SCN1A: variants seen among roughly 807,000 people sequenced by gnomAD.
SCN1A encodes the protein sodium channel protein type 1 subunit alpha.
SCN1A carries 13 observed loss-of-function variants against 193.7 expected under a neutral mutation model. The observed-to-expected ratio is 0.07, with a 90% CI of 0.04 to 0.11. The LOEUF is 0.11. Among genes scored for constraint, SCN1A ranks in the 10% least tolerant of loss-of-function variants. The pLI is 1.00. For missense variants in SCN1A, 1,432 were observed against 2,451.1 expected, an observed-to-expected ratio of 0.58 and a Z score of 8.78; for synonymous variants, 781 against 843.6, an observed-to-expected ratio of 0.93 and a Z score of 1.29.
At chr2:166,084,295 G>T (rs2106037253) in intron 2 of SCN1A, among the ~76,000 whole-genome samples, 1 of 139,678 alleles carries the variant, frequency 7.2e-6, no homozygotes, top group Non-Finnish European at 1.5e-5. Context: ...ACTCTGGACT[G>T]TGCCTCTCCT....
rs148002158 is a variant in SCN1A, at chr2:166,118,553, G to A, written c.-142+8371C>T. Among the ~76,000 whole-genome samples the A allele has an allele frequency of 5.7e-3, 863 of 151,580 alleles. 2 individuals carry two copies. Among genetic ancestry groups the A allele is most frequent in the Non-Finnish European group, 9.2e-3 (624 of 67,876 alleles). On this transcript the variant is annotated intron_variant, in intron 2 of 28. Coordinates refer to ENST00000674923, the MANE Select transcript of SCN1A (RefSeq NM_001165963.4). ...GAGGCCCAGGTGGCACTGAAATGAT[G>A]GTATTCTAGACCTGACACCGGACTG...
chr2:166,051,074 C>T (rs564080485), intron 9 of SCN1A, among the ~76,000 whole-genome samples: 3 of 151,898 alleles, frequency 2.0e-5, no homozygotes, highest in Non-Finnish European at 4.4e-5. Flanking sequence ...TATTTTATCT[C>T]CTTTCATTAT....
Position 166,127,798 on chromosome 2 carries a change from C to A in SCN1A, c.-256G>T, listed in dbSNP as rs1011117121. On this transcript the variant is annotated 5_prime_UTR_variant, in exon 1 of 29. Transcript: ENST00000674923. ...GATTAAAAGGAAAATTATCCATCTGCAGTGAGGAACAGCATCACCCAAAGA... is the reference window on the plus strand; with the variant it reads ...GATTAAAAGGAAAATTATCCATCTGAAGTGAGGAACAGCATCACCCAAAGA... 1 of 152,142 alleles carries A rather than the reference C, an allele frequency of 6.6e-6. No individual in the cohort carries two copies. Among genetic ancestry groups the A allele is most frequent in the East Asian group, 1.9e-4 (1 of 5,198 alleles). 9.4% of individuals were successfully genotyped at this position (152,142 alleles called of 1,614,324 possible).
chr2:166,111,453 A>T (rs1689287460), intron 2 of SCN1A, among the ~76,000 whole-genome samples: 1 of 151,966 alleles, frequency 6.6e-6, no homozygotes, highest in Non-Finnish European at 1.5e-5. Flanking sequence ...AAAAAAAAAG[A>T]TTCCATTCAA....
intron 4 of SCN1A, among the ~76,000 whole-genome samples, chr2:166,065,518 C>G (rs13397210): frequency 6.6e-6 from 1 of 151,966 alleles, no homozygotes; most frequent in African/African-American, 2.4e-5. Flanking sequence ...CCAAGCTTTT[C>G]TTCCTTTTCT....
At chr2:166,030,268 T>C (rs1275987278) in intron 19 of SCN1A, among the ~76,000 whole-genome samples, 2 of 152,172 alleles carry the variant, frequency 1.3e-5, no homozygotes, top group Admixed American at 1.3e-4. Flanking sequence ...CAAAATATGT[T>C]TATTTTTCTC....
chr2:166,088,891 A>G (rs1483485827), intron 2 of SCN1A, among the ~76,000 whole-genome samples: 2 of 152,172 alleles, frequency 1.3e-5, no homozygotes, highest in East Asian at 3.8e-4. Flanking sequence ...TATGACATGG[A>G]GGATATGAGT....
chr2:166,009,927 G>T, intron 22 of SCN1A, 86 bp from the exon 23 acceptor site: 1 of 1,303,812 alleles, frequency 7.7e-7, no homozygotes, highest in Non-Finnish European at 1.1e-6. Context: ...TATAATTTTT[G>T]CTTATAATTA....
chr2:166,088,049 T>A (rs1686334160), intron 2 of SCN1A, among the ~76,000 whole-genome samples: 1 of 131,688 alleles, frequency 7.6e-6, no homozygotes, highest in South Asian at 2.4e-4. Flanking sequence ...TCCCACAATC[T>A]GTGTGTTTGT....
intron 1 of SCN1A, among the ~76,000 whole-genome samples, chr2:166,140,523 C>T (rs1456377983): frequency 1.3e-5 from 2 of 152,072 alleles, no homozygotes; most frequent in Admixed American, 6.6e-5. Flanking sequence ...TTCAATCTTC[C>T]ATAGCAAGTG....
At chr2:166,079,888 A>AT (rs1374528221) in intron 2 of SCN1A, among the ~76,000 whole-genome samples, 3 of 151,518 alleles carry the variant, frequency 2.0e-5, no homozygotes, top group Admixed American at 6.6e-5. Flanking sequence ...TAGAAAAAGT[A>AT]TTTTTTTAAC....
At chr2:166,071,607 C>T (rs911507565) in intron 4 of SCN1A, 5 of 150,112 alleles carry the variant, frequency 3.3e-5, no homozygotes, top group African/African-American at 1.2e-4. Context: ...AAGGAAAATA[C>T]TGGCCGGGCG....
At position 166,035,854 on chromosome 2, in the gene SCN1A, C is replaced by T. The variant is rs184568454; in HGVS notation, c.3429+194G>A. On this transcript the variant is annotated intron_variant, in intron 19 of 28. Transcript: ENST00000674923. ...TGAGAGTATATTGTACCACAAATTGCTAGCCTGGGAAAAGATCAAAATTCA... is the reference window on the plus strand; with the variant it reads ...TGAGAGTATATTGTACCACAAATTGTTAGCCTGGGAAAAGATCAAAATTCA... Among the ~76,000 whole-genome samples, 157 of 152,072 alleles carry T rather than the reference C, an allele frequency of 1.0e-3. 3 individuals are homozygous for T. In the East Asian group the frequency reaches 0.011, roughly 11 times the overall value.
chr2:165,997,229 T>A (rs915762914), intron 26 of SCN1A, among the ~76,000 whole-genome samples: 1 of 151,262 alleles, frequency 6.6e-6, no homozygotes, highest in Non-Finnish European at 1.5e-5. Context: ...CAATCTAAAT[T>A]ATCAACCTAC....
At chr2:166,013,691 A>G in intron 21 of SCN1A, 53 bp downstream of exon 21, 3 of 1,518,462 alleles carry the variant, frequency 2.0e-6, no homozygotes, top group Non-Finnish European at 2.7e-6. Flanking sequence ...AGTCATCAGT[A>G]TTAGAGTGTT....
chr2:166,121,247 T>G (rs892793923), intron 2 of SCN1A, among the ~76,000 whole-genome samples: 1 of 152,214 alleles, frequency 6.6e-6, no homozygotes, highest in African/African-American at 2.4e-5. Context: ...CTCTTATAGT[T>G]TTCTCTGCTC....
At chr2:166,102,834 G>T (rs551563429) in intron 2 of SCN1A, among the ~76,000 whole-genome samples, 1 of 152,232 alleles carries the variant, frequency 6.6e-6, no homozygotes, top group East Asian at 1.9e-4. Flanking sequence ...TAAAGAAAAT[G>T]TGGTACATAT....
chr2:166,006,667 A>G (rs559494762), intron 23 of SCN1A, among the ~76,000 whole-genome samples: 21 of 151,458 alleles, frequency 1.4e-4, no homozygotes, highest in African/African-American at 4.6e-4. Flanking sequence ...CCTTGTTAAC[A>G]TTTTGAAAAT....
intron 4 of SCN1A, among the ~76,000 whole-genome samples, chr2:166,061,514 C>T (rs1051197151): frequency 6.6e-6 from 1 of 151,980 alleles, no homozygotes; most frequent in African/African-American, 2.4e-5. Context: ...TGTAGGATGA[C>T]TACAGTTAAA....
Sources: allele counts gnomAD v4.1 joint callset (sites outside exome capture counted in the v4.1 genomes callset), GRCh38; gene constraint gnomAD v4.1.1; transcripts MANE v1.5; gene names NCBI Gene and HGNC (gene_info 2026-07-23, HGNC 2026-07-21).